JMJD4: variants seen among roughly 807,000 people sequenced by gnomAD.
JMJD4 encodes jumonji domain containing 4.
A neutral mutation model predicts 36.3 loss-of-function variants in JMJD4; 34 were observed. The ratio of observed to expected loss-of-function variants is 0.94; its 90% CI spans 0.71 to 1.25. The LOEUF is 1.25. JMJD4 is among the 50% of genes most tolerant of loss of function. JMJD4 has a pLI of 0.00. For missense variants in JMJD4, 584 were observed against 559.1 expected (o/e 1.04, Z -0.45); for synonymous variants, 269 against 235.3 (o/e 1.14, Z -1.31).
chr1:227,733,173 AG>A, intron 4 of JMJD4, 146 bp from the exon 5 acceptor site: 1 of 998,598 alleles, frequency 1.0e-6, no homozygotes, highest in Middle Eastern at 3.0e-4. Flanking sequence ...CTTGCTCAGC[AG>A]GGAAGTGGGT....
rs968589195 is a variant in JMJD4 at position 227,731,439 on chromosome 1, A to C, written c.*953T>G. On this transcript the variant is annotated 3_prime_UTR_variant, in exon 6 of 6. Transcript: ENST00000620518. ...CCCTGCTGGGGTGAGGCAGCCAACC[A>C]GGGGCCAACTGAAAAAATGCTGGAC... is the stretch of plus-strand genomic sequence containing the variant. 1 of 152,302 alleles carries C rather than the reference A, an allele frequency of 6.6e-6. No individual in the cohort carries two copies. The allele number at this position is 152,302 out of a possible 1,614,324, so 9.4% of individuals were successfully genotyped here.
Position 227,732,136 on chromosome 1 carries a change from A to G in JMJD4, c.*256T>C. 5.3e-6 allele frequency: 3 copies of G among 570,466 alleles called. No individual in the cohort carries two copies. Among genetic ancestry groups the G allele is most frequent in the Non-Finnish European group, 9.4e-6 (3 of 319,418 alleles). 35.3% of individuals were successfully genotyped at this position (570,466 alleles called of 1,614,324 possible). A position where few individuals can be genotyped will look rare whatever the true frequency, so the allele number is the denominator to read the frequency against. On this transcript the variant is annotated 3_prime_UTR_variant, in exon 6 of 6. Coordinates refer to ENST00000620518, the MANE Select transcript of JMJD4 (RefSeq NM_023007.3). ...CCTAAGGAGGCAGGGCCCCCAAAAG[A>G]GCCAGGTCCTGGCACCATCTCCGAG... is the stretch of plus-strand genomic sequence containing the variant.
chr1:227,732,844 C>A, intron 5 of JMJD4, 37 bp downstream of exon 5: 1 of 1,610,110 alleles, frequency 6.2e-7, no homozygotes, highest in African/African-American at 1.3e-5. Flanking sequence ...CTAAAAGCCT[C>A]CCCCAGGAGG....
chr1:227,734,789 CA>C lies in JMJD4; in HGVS notation c.289del (p.Cys97ValfsTer14), dbSNP rs1660958497. On this transcript the variant is annotated frameshift_variant, in exon 2 of 6. Transcript: ENST00000620518. LOFTEE classifies it high-confidence loss of function. The part of the protein sequence containing the change: ...YGDVVVPVAN[C>X]GVQEYNSNPK... Reference sequence around the variant, plus strand: ...GTTCGAGTTGTATTCCTGGACCCCACAGTTTGCAACTGGTACAACCACGTCT... The same window carrying C: ...GTTCGAGTTGTATTCCTGGACCCCACGTTTGCAACTGGTACAACCACGTCT... 6.2e-7 allele frequency: 1 copy of C among 1,613,926 alleles called. No individual in the cohort carries two copies. The highest frequency in any genetic ancestry group is 8.5e-7 in the Non-Finnish European group (1 of 1,180,016).
chr1:227,734,087 G>T, intron 2 of JMJD4, 55 bp from the exon 3 acceptor site: 1 of 1,580,106 alleles, frequency 6.3e-7, no homozygotes, highest in South Asian at 1.2e-5. Flanking sequence ...GAGGAGACTA[G>T]GGCAGCACGA....
intron 2 of JMJD4, 67 bp downstream of exon 2, chr1:227,734,584 A>G: frequency 6.5e-7 from 1 of 1,530,806 alleles, no homozygotes; most frequent in East Asian, 2.3e-5. Flanking sequence ...CACCTTCATC[A>G]GAAAGGCCTC....
rs917847442 is a variant in JMJD4 at position 227,731,267 on chromosome 1, T to A, written c.*1125A>T. 1 of 152,266 alleles carries A rather than the reference T, an allele frequency of 6.6e-6. No homozygotes were observed. The highest frequency in any genetic ancestry group is 2.4e-5 in the African/African-American group (1 of 41,464). The allele number at this position is 152,266 out of a possible 1,614,324, so 9.4% of individuals were successfully genotyped here. A position where few individuals can be genotyped will look rare whatever the true frequency, so the allele number is the denominator to read the frequency against. On this transcript the variant is annotated 3_prime_UTR_variant, in exon 6 of 6. Coordinates refer to ENST00000620518, the MANE Select transcript of JMJD4 (RefSeq NM_023007.3). ...AAGCTGCCTTTGCAAGCACTTCACA[T>A]GATTCACTGAACAGAGCAGACAGAA...
rs551753524 is a variant in JMJD4, at chr1:227,733,503, G to C, written c.733C>G (p.Gln245Glu). The change falls in exon 4 of 6, where the codon CAG becomes GAG. Residue 245 changes from glutamine (Q) to glutamate (E), a missense_variant. By Grantham distance (29) the Gln-to-Glu change is conservative. Coordinates refer to ENST00000620518, the MANE Select transcript of JMJD4 (RefSeq NM_023007.3). Reference sequence around the variant, plus strand: ...ATCTCCAAGGGTGGGCCAGCAAGCTGGTTCCGTGGGTGCAGGTGTGTGTCG... The same window carrying C: ...ATCTCCAAGGGTGGGCCAGCAAGCTCGTTCCGTGGGTGCAGGTGTGTGTCG... ...LCDTHLHPRN[Q>E]LAGPPLEITQ... The C allele has an allele frequency of 6.3e-7, 1 of 1,595,562 alleles. No individual in the cohort carries two copies. The highest frequency in any genetic ancestry group is 1.3e-5 in the African/African-American group (1 of 74,112).
In JMJD4 at chr1:227,731,276, G is replaced by C. The variant is rs1474764786; in HGVS notation, c.*1116C>G. 6.6e-6 allele frequency: 1 copy of C among 152,308 alleles called. No individual in the cohort carries two copies. The highest frequency in any genetic ancestry group is 6.5e-5 in the Admixed American group (1 of 15,286). 9.4% of individuals were successfully genotyped at this position (152,308 alleles called of 1,614,324 possible). ...TTGCAAGCACTTCACATGATTCACT[G>C]AACAGAGCAGACAGAAACCCCTGCC... On this transcript the variant is annotated 3_prime_UTR_variant, in exon 6 of 6. Transcript: ENST00000620518.
At chr1:227,732,818 G>T in intron 5 of JMJD4, 63 bp downstream of exon 5, 1 of 1,603,820 alleles carries the variant, frequency 6.2e-7, no homozygotes, top group Non-Finnish European at 8.5e-7. Context: ...GACCAAGGGA[G>T]TCTGAGCCAT....
In JMJD4 at chr1:227,732,906, ATGGAGTC is replaced by A; in HGVS notation, c.937_943del (p.Asp313CysfsTer12). 5 of 1,612,820 alleles carry A rather than the reference ATGGAGTC, an allele frequency of 3.1e-6. No homozygotes were observed. Among genetic ancestry groups the A allele is most frequent in the Non-Finnish European group, 4.2e-6 (5 of 1,180,014 alleles). On this transcript the variant is annotated frameshift_variant, in exon 5 of 6. Coordinates refer to ENST00000620518, the MANE Select transcript of JMJD4 (RefSeq NM_023007.3). LOFTEE classifies it low-confidence loss of function (END_TRUNC). ...CTGGCAGTGGTGGTGCCAGTCGGGCATGGAGTCCCTCCACTCGCTGACCTCCTCCTGC... is the reference window on the plus strand; with the variant it reads ...CTGGCAGTGGTGGTGCCAGTCGGGCACCTCCACTCGCTGACCTCCTCCTGC...
rs753697884 is a variant in JMJD4 at position 227,733,671 on chromosome 1, G to A, written c.565C>T (p.His189Tyr). The A allele has an allele frequency of 1.2e-6, 2 of 1,600,820 alleles. No homozygotes were observed. The highest frequency in any genetic ancestry group is 2.7e-5 in the African/African-American group (2 of 75,024). The change falls in exon 4 of 6, where the codon CAT becomes TAT. Residue 189 changes from histidine (H) to tyrosine (Y), a missense_variant. Transcript: ENST00000620518. Reference sequence around the variant, plus strand: ...CTGAAGGAGCGGAAGATGTCAGCATGGAACGGGGACCTGCGGCAGCAAGAG... The same window carrying A: ...CTGAAGGAGCGGAAGATGTCAGCATAGAACGGGGACCTGCGGCAGCAAGAG... ...AGPAGSWSPF[H>Y]ADIFRSFSWS...
Position 227,735,299 on chromosome 1 carries a change from C to G in JMJD4, c.-26G>C. 1 of 1,604,456 alleles carries G rather than the reference C, an allele frequency of 6.2e-7. No homozygotes were observed. The highest frequency in any genetic ancestry group is 1.3e-5 in the African/African-American group (1 of 74,666). On this transcript the variant is annotated 5_prime_UTR_variant, in exon 1 of 6. Coordinates refer to ENST00000620518, the MANE Select transcript of JMJD4 (RefSeq NM_023007.3). ...CCAGCTCAGCACGGGTCGAAGGACCCTCCTCCTCACTTCCGCCGGAGCGGA... is the reference window on the plus strand; with the variant it reads ...CCAGCTCAGCACGGGTCGAAGGACCGTCCTCCTCACTTCCGCCGGAGCGGA...
In JMJD4 at chr1:227,732,815, G is replaced by A. The variant is rs957146695; in HGVS notation, c.969+66C>T. The A allele has an allele frequency of 2.5e-6, 4 of 1,601,432 alleles. No homozygotes were observed. The African/African-American group carries it at 5.4e-5, about 21-fold the overall frequency. On this transcript the variant is annotated intron_variant, in intron 5 of 5. Coordinates refer to ENST00000620518, the MANE Select transcript of JMJD4 (RefSeq NM_023007.3). Reference sequence around the variant, plus strand: ...ACTGAGAAGCTGCGCGGTGACCAAGGGAGTCTGAGCCATGCAGCCTAAAAG... The same window carrying A: ...ACTGAGAAGCTGCGCGGTGACCAAGAGAGTCTGAGCCATGCAGCCTAAAAG...
Position 227,732,368 on chromosome 1 carries a change from G to A in JMJD4, c.*24C>T, listed in dbSNP as rs371205025. Reference sequence around the variant, plus strand: ...GCAGGAGGCTGCCTCTCTTCCACCCGTCCTTCTATCCTCACGACAGGTGCT... The same window carrying A: ...GCAGGAGGCTGCCTCTCTTCCACCCATCCTTCTATCCTCACGACAGGTGCT... On this transcript the variant is annotated 3_prime_UTR_variant, in exon 6 of 6. Transcript: ENST00000620518. 1.6e-5 allele frequency: 26 copies of A among 1,604,778 alleles called. No individual in the cohort carries two copies. Among genetic ancestry groups the A allele is most frequent in the Admixed American group, 1.7e-5 (1 of 59,870 alleles).
intron 1 of JMJD4, 70 bp downstream of exon 1, chr1:227,734,942 G>T (rs535479654): frequency 6.7e-7 from 1 of 1,500,714 alleles, no homozygotes; most frequent in African/African-American, 1.4e-5. Flanking sequence ...CCCTCTCTAG[G>T]CGGGGGCCTC....
At chr1:227,733,836 C>A in intron 3 of JMJD4, 71 bp downstream of exon 3, 2 of 1,598,460 alleles carry the variant, frequency 1.3e-6, no homozygotes, top group Non-Finnish European at 1.7e-6. Context: ...CCCCCTCCTG[C>A]CACCCTGGGC....
At position 227,733,996 on chromosome 1, in the gene JMJD4, C is replaced by T; in HGVS notation, c.465G>A (p.Val155=). 6.2e-7 allele frequency: 1 copy of T among 1,613,846 alleles called. No individual in the cohort carries two copies. The highest frequency in any genetic ancestry group is 8.5e-7 in the Non-Finnish European group (1 of 1,179,998). ...CATTCAGCCAGTCGGACGAGAAGTACACAGGCAGGGTGAAAACGTCCTCCA... is the reference window on the plus strand; with the variant it reads ...CATTCAGCCAGTCGGACGAGAAGTATACAGGCAGGGTGAAAACGTCCTCCA... ...FPVEDVFTLP[V]YFSSDWLNEF... Residue 155 remains valine, a synonymous_variant, in exon 3 of 6, where the codon GTG becomes GTA. Coordinates refer to ENST00000620518, the MANE Select transcript of JMJD4 (RefSeq NM_023007.3).
chr1:227,732,599 G>A lies in JMJD4; in HGVS notation c.1047C>T (p.Leu349=). ...HFLKVIAEKR[L]LVLREAAAED... ...CAGCGGCTGCCTCCCTCAGGACCAG[G>A]AGCCTCTTCTCAGCGATGACCTTGA... The change falls in exon 6 of 6, where the codon CTC becomes CTT. Residue 349 remains leucine, a synonymous_variant. Coordinates refer to ENST00000620518, the MANE Select transcript of JMJD4 (RefSeq NM_023007.3). The A allele has an allele frequency of 1.2e-6, 2 of 1,613,508 alleles. No individual in the cohort carries two copies. The highest frequency in any genetic ancestry group is 1.7e-6 in the Non-Finnish European group (2 of 1,180,042).
Sources: gnomAD v4.1 joint callset for allele counts on GRCh38, gnomAD v4.1.1 for gene constraint, MANE v1.5 for transcripts, NCBI Gene and HGNC (gene_info 2026-07-23, HGNC 2026-07-21) for gene names.